CTNNA2: variants seen among roughly 807,000 people sequenced by gnomAD.
The protein encoded by CTNNA2 is catenin alpha 2.
Under a neutral mutation model 101.0 loss-of-function variants are expected in CTNNA2, and 42 were observed. That is an observed-to-expected ratio of 0.42 (90% CI 0.32 to 0.54). CTNNA2 has a LOEUF of 0.54. CTNNA2 is among the 20% of genes least tolerant of loss of function. The pLI is 0.14. For synonymous variants in CTNNA2, 450 were observed against 456.4 expected (o/e 0.99, Z 0.18); for missense variants, 871 against 1,223.1 (o/e 0.71, Z 4.29).
chr2:80,428,231 A>G (rs1681169843), intron 9 of CTNNA2, among the ~76,000 whole-genome samples: 1 of 152,224 alleles, frequency 6.6e-6, no homozygotes, highest in South Asian at 2.1e-4. Flanking sequence ...AGAGCTGGGT[A>G]TAAAGATTTT....
At chr2:79,998,501 C>T (rs746658478) in intron 7 of CTNNA2, among the ~76,000 whole-genome samples, 11 of 152,046 alleles carry the variant, frequency 7.2e-5, no homozygotes, top group South Asian at 2.1e-4. Context: ...TATTTCAAGC[C>T]GGCTACCTTT....
At chr2:79,840,629 AT>A (rs1295355526) in intron 3 of CTNNA2, among the ~76,000 whole-genome samples, 1 of 152,006 alleles carries the variant, frequency 6.6e-6, no homozygotes, top group Non-Finnish European at 1.5e-5. Flanking sequence ...TAATGATGGC[AT>A]TTTTTTAAAG....
At chr2:79,278,671 C>T (rs1315517785) in intron 2 of CTNNA2, among the ~76,000 whole-genome samples, 1 of 152,154 alleles carries the variant, frequency 6.6e-6, no homozygotes, top group Non-Finnish European at 1.5e-5. Flanking sequence ...AAGAGCCCCA[C>T]CTCCATCTAA....
chr2:79,273,997 C>T (rs975155541), intron 2 of CTNNA2, among the ~76,000 whole-genome samples: 1 of 151,946 alleles, frequency 6.6e-6, no homozygotes, highest in African/African-American at 2.4e-5. Flanking sequence ...ATTTTCAGTT[C>T]TAATTTTTTT....
At position 79,196,084 on chromosome 2, in the gene CTNNA2, G is replaced by A. The variant is rs144797183; in HGVS notation, c.-523-1875G>A. On this transcript the variant is annotated intron_variant, in intron 1 of 21. Transcript: ENST00000466387. ...CCTGAGTAGCTGGGATTACAGGCACGAGCCCCCATGCCCAGCTGTTTGTCT... is the reference window on the plus strand; with the variant it reads ...CCTGAGTAGCTGGGATTACAGGCACAAGCCCCCATGCCCAGCTGTTTGTCT... 2.1e-3 allele frequency among the ~76,000 whole-genome samples: 322 copies of A among 152,072 alleles called. 2 individuals carry two copies. Among genetic ancestry groups the A allele is most frequent in the African/African-American group, 7.4e-3 (305 of 41,488 alleles).
At chr2:80,132,705 G>A (rs1178013989) in intron 7 of CTNNA2, among the ~76,000 whole-genome samples, 1 of 152,102 alleles carries the variant, frequency 6.6e-6, no homozygotes, top group African/African-American at 2.4e-5. Flanking sequence ...ACTAAAATTA[G>A]CAGAATGTTA....
chr2:79,199,413 T>TTTG lies in CTNNA2; in HGVS notation c.-406+1352_-406+1354dup, dbSNP rs577365824. Among the ~76,000 whole-genome samples, 29 of 152,224 alleles carry TTTG rather than the reference T, an allele frequency of 1.9e-4. No individual in the cohort carries two copies. The South Asian group carries it at 5.0e-3, about 26-fold the overall frequency. On this transcript the variant is annotated intron_variant, in intron 2 of 21. Coordinates refer to the CTNNA2 transcript ENST00000466387. ...AATTTTGCCCAAAAAAGAAAAGTGT[T>TTTG]TTGTTGTTGTTGTTGTTATTGTGGT...
intron 2 of CTNNA2, among the ~76,000 whole-genome samples, chr2:79,257,594 A>G (rs1383675865): frequency 6.6e-6 from 1 of 152,102 alleles, no homozygotes; most frequent in Non-Finnish European, 1.5e-5. Flanking sequence ...AAGAAAAAAA[A>G]GAAGAAAGTG....
At chr2:80,476,470 A>G (rs1245401535) in intron 9 of CTNNA2, among the ~76,000 whole-genome samples, 2 of 152,192 alleles carry the variant, frequency 1.3e-5, no homozygotes, top group Non-Finnish European at 2.9e-5. Context: ...TTCTCAGAAA[A>G]CAAAGTGACA....
intron 4 of CTNNA2, among the ~76,000 whole-genome samples, chr2:79,401,135 T>A (rs1471542298): frequency 2.0e-5 from 3 of 151,650 alleles, no homozygotes; most frequent in Non-Finnish European, 4.4e-5. Context: ...GTAACTTGAA[T>A]CCTTATAAAG....
At chr2:80,517,697 C>T (rs1689211384) in intron 9 of CTNNA2, among the ~76,000 whole-genome samples, 1 of 152,144 alleles carries the variant, frequency 6.6e-6, no homozygotes, top group Admixed American at 6.5e-5. Context: ...TTGGGGAATC[C>T]TGCCACAAAA....
chr2:80,616,351 C>T (rs1267573626), intron 17 of CTNNA2: 7 of 151,610 alleles, frequency 4.6e-5, no homozygotes, highest in African/African-American at 1.5e-4. Context: ...TTTATTGGAG[C>T]CCCTCTTATT....
At chr2:79,354,953 G>T (rs1031299379) in intron 3 of CTNNA2, among the ~76,000 whole-genome samples, 3 of 152,080 alleles carry the variant, frequency 2.0e-5, no homozygotes, top group African/African-American at 7.2e-5. Flanking sequence ...GGTAGGAGAG[G>T]CTCTCTTGGC....
chr2:79,390,328 A>T (rs1390483352), intron 4 of CTNNA2, among the ~76,000 whole-genome samples: 1 of 152,188 alleles, frequency 6.6e-6, no homozygotes, highest in Non-Finnish European at 1.5e-5. Flanking sequence ...AGATGATCTG[A>T]AGCATAACAC....
intron 7 of CTNNA2, among the ~76,000 whole-genome samples, chr2:80,054,268 G>A (rs1214832905): frequency 1.3e-5 from 2 of 152,148 alleles, no homozygotes; most frequent in African/African-American, 2.4e-5. Flanking sequence ...CAACTCCAGC[G>A]GGTTTGTGTT....
intron 2 of CTNNA2, among the ~76,000 whole-genome samples, chr2:79,288,698 G>C (rs548280260): frequency 2.0e-5 from 3 of 152,294 alleles, no homozygotes; most frequent in East Asian, 1.9e-4. Context: ...TTCTAAGGGA[G>C]AGAAATTAGA....
chr2:79,836,854 C>T (rs1294847630), intron 3 of CTNNA2, among the ~76,000 whole-genome samples: 1 of 152,112 alleles, frequency 6.6e-6, no homozygotes, highest in Non-Finnish European at 1.5e-5. Flanking sequence ...ACTGCAGCCT[C>T]AACCTTCTGG....
intron 6 of CTNNA2, among the ~76,000 whole-genome samples, chr2:79,889,336 A>G (rs1465736174): frequency 1.3e-5 from 2 of 152,118 alleles, no homozygotes; most frequent in Non-Finnish European, 2.9e-5. Flanking sequence ...ATTTCCCCAA[A>G]TGTTCTCTGA....
At chr2:79,479,646 G>C (rs747765845) in intron 4 of CTNNA2, among the ~76,000 whole-genome samples, 1 of 152,100 alleles carries the variant, frequency 6.6e-6, no homozygotes, top group African/African-American at 2.4e-5. Flanking sequence ...TACCTGGCTG[G>C]GTGTGGTGGC....
Sources: allele counts gnomAD v4.1 joint callset (sites outside exome capture counted in the v4.1 genomes callset), GRCh38; gene constraint gnomAD v4.1.1; transcripts MANE v1.5; gene names NCBI Gene and HGNC (gene_info 2026-07-23, HGNC 2026-07-21).